Variants in GABPA observed in about 807,000 individuals in gnomAD.
GABPA encodes the protein GA-binding protein alpha chain.
GABPA carries 4 observed loss-of-function variants against 59.4 expected under a neutral mutation model. That is an observed-to-expected ratio of 0.07 (90% CI 0.03 to 0.15). The LOEUF (loss-of-function observed/expected upper bound fraction) is 0.15, where lower values mean the gene tolerates loss of function less well. GABPA is among the 10% of genes least tolerant of loss of function. GABPA has a pLI of 1.00. For synonymous variants in GABPA, 164 were observed against 183.1 expected (o/e 0.90, Z 0.84); for missense variants, 251 against 543.8 (o/e 0.46, Z 5.36).
At chr21:25,766,787 A>C (rs185012465) in intron 9 of GABPA, among the ~76,000 whole-genome samples, 1 of 152,118 alleles carries the variant, frequency 6.6e-6, no homozygotes, top group East Asian at 1.9e-4. Context: ...CAACTGTTTC[A>C]TACACATCAA....
rs911350079 is a variant in GABPA, at chr21:25,770,175, A to G, written c.*943A>G. 2 of 152,542 alleles carry G rather than the reference A, an allele frequency of 1.3e-5. No homozygotes were observed. The highest frequency in any genetic ancestry group is 6.5e-5 in the Admixed American group (1 of 15,274). 9.4% of individuals were successfully genotyped at this position (152,542 alleles called of 1,614,324 possible). Reference sequence around the variant, plus strand: ...AAATGAAGACTTTAAATCAGTCAGTAGTACTTTACCTTTCAAGGCATTAGT... The same window carrying G: ...AAATGAAGACTTTAAATCAGTCAGTGGTACTTTACCTTTCAAGGCATTAGT... On this transcript the variant is annotated 3_prime_UTR_variant, in exon 10 of 10. Transcript: ENST00000400075.
At chr21:25,760,383 G>A (rs58428137) in intron 6 of GABPA, among the ~76,000 whole-genome samples, 3,718 of 152,260 alleles carry the variant, frequency 0.024, 150 homozygotes, top group African/African-American at 0.085. Context: ...TTCTGGGACA[G>A]AACTGTTAAT....
intron 4 of GABPA, among the ~76,000 whole-genome samples, chr21:25,751,559 G>C (rs2035513791): frequency 6.6e-6 from 1 of 151,738 alleles, no homozygotes. Context: ...AAGAAAAACT[G>C]AGTCAGTAAA....
intron 2 of GABPA, among the ~76,000 whole-genome samples, chr21:25,742,246 A>G (rs903097532): frequency 3.0e-5 from 1 of 33,596 alleles, no homozygotes; most frequent in Admixed American, 4.1e-4. Context: ...AGGAGAGAAC[A>G]TGGGTAGAAA....
At chr21:25,752,288 A>G in intron 5 of GABPA, 54 bp downstream of exon 5, 1 of 1,547,580 alleles carries the variant, frequency 6.5e-7, no homozygotes, top group Non-Finnish European at 8.9e-7. Context: ...TAAGCTTGAC[A>G]TAGAAGACAC....
chr21:25,742,955 A>C (rs770271428), intron 2 of GABPA, among the ~76,000 whole-genome samples: 1 of 151,562 alleles, frequency 6.6e-6, no homozygotes, highest in Non-Finnish European at 1.5e-5. Context: ...AAAGCCCAAC[A>C]TTTTTTATTG....
In GABPA at chr21:25,770,332, T is replaced by C. The variant is rs1285834275; in HGVS notation, c.*1100T>C. 2 of 152,132 alleles carry C rather than the reference T, an allele frequency of 1.3e-5. No homozygotes were observed. Among genetic ancestry groups the C allele is most frequent in the Admixed American group, 6.5e-5 (1 of 15,272 alleles). 9.4% of individuals were successfully genotyped at this position (152,132 alleles called of 1,614,324 possible). A position where few individuals can be genotyped will look rare whatever the true frequency, so the allele number is the denominator to read the frequency against. On this transcript the variant is annotated 3_prime_UTR_variant, in exon 10 of 10. Transcript: ENST00000400075. Reference sequence around the variant, plus strand: ...GTGTATTCATATAGCTGTATACATATTCAGTTGATCATTTTATAAACATAT... The same window carrying C: ...GTGTATTCATATAGCTGTATACATACTCAGTTGATCATTTTATAAACATAT...
intron 6 of GABPA, among the ~76,000 whole-genome samples, chr21:25,760,341 G>A: frequency 6.6e-6 from 1 of 152,202 alleles, no homozygotes; most frequent in East Asian, 1.9e-4. Flanking sequence ...TCTGTAGAGA[G>A]AAGTCTGCAG....
At chr21:25,762,932 A>G in intron 7 of GABPA, 1 of 334,998 alleles carries the variant, frequency 3.0e-6, no homozygotes, top group Non-Finnish European at 5.8e-6. Context: ...CCAAGGCTTG[A>G]AGAGTCTACC....
At chr21:25,736,320 G>A (rs867989259) in intron 1 of GABPA, among the ~76,000 whole-genome samples, 1 of 152,182 alleles carries the variant, frequency 6.6e-6, no homozygotes. Flanking sequence ...CAGTAGGTCT[G>A]ACTCGTGAGA....
Position 25,735,885 on chromosome 21 carries a change from C to G in GABPA, c.-27+307C>G, listed in dbSNP as rs2035037437. 1.3e-5 allele frequency among the ~76,000 whole-genome samples: 2 copies of G among 152,292 alleles called. 1 individual carries two copies. Among genetic ancestry groups the G allele is most frequent in the African/African-American group, 4.8e-5 (2 of 41,570 alleles). On this transcript the variant is annotated intron_variant, in intron 1 of 9. Coordinates refer to ENST00000400075, the MANE Select transcript of GABPA (RefSeq NM_002040.4). Reference sequence around the variant, plus strand: ...TCGCCGCTCCCTCCTTTCCGCGTCCCCTCCTCGCCCGTCCGCACTCCTCAG... The same window carrying G: ...TCGCCGCTCCCTCCTTTCCGCGTCCGCTCCTCGCCCGTCCGCACTCCTCAG...
intron 9 of GABPA, among the ~76,000 whole-genome samples, chr21:25,765,402 G>A (rs1487326155): frequency 6.6e-6 from 1 of 151,830 alleles, no homozygotes; most frequent in Non-Finnish European, 1.5e-5. Context: ...TTTCTAAATA[G>A]CATGCTTTTA....
chr21:25,754,138 A>G (rs915645499), intron 5 of GABPA, among the ~76,000 whole-genome samples: 1 of 152,228 alleles, frequency 6.6e-6, no homozygotes, highest in Non-Finnish European at 1.5e-5. Flanking sequence ...TAAAAGAAAA[A>G]GTATAAAATC....
In GABPA at chr21:25,758,080, C is replaced by T. The variant is rs111301212; in HGVS notation, c.624C>T (p.Thr208=). The T allele has an allele frequency of 4.3e-5, 69 of 1,605,626 alleles. No individual in the cohort carries two copies. Among genetic ancestry groups the T allele is most frequent in the African/African-American group, 2.7e-4 (20 of 74,542 alleles). ...GGGTAATGAAGGAATTCAGCATGAC[C>T]GATATAGACCTCACCACACTCAACA... The part of the protein sequence containing the change: ...VVWVMKEFSM[T]DIDLTTLNIS... Residue 208 remains threonine (T), a synonymous_variant, in exon 6 of 10, where the codon ACC becomes ACT. Coordinates refer to ENST00000400075, the MANE Select transcript of GABPA (RefSeq NM_002040.4).
intron 3 of GABPA, among the ~76,000 whole-genome samples, chr21:25,748,576 TGAG>T (rs1266492224): frequency 6.6e-6 from 1 of 152,214 alleles, no homozygotes; most frequent in Admixed American, 6.5e-5. Context: ...AACTTTATGA[TGAG>T]AGATTTAGAG....
In GABPA at chr21:25,769,492, C is replaced by G. The variant is rs1007181083; in HGVS notation, c.*260C>G. 19 of 380,414 alleles carry G rather than the reference C, an allele frequency of 5.0e-5. No homozygotes were observed. Among genetic ancestry groups the G allele is most frequent in the Middle Eastern group, 7.8e-4 (1 of 1,282 alleles). The allele number at this position is 380,414 out of a possible 1,614,324, so 23.6% of individuals were successfully genotyped here. ...GTTCATTGTGGAATAGTTTAACAGT[C>G]AGGAAGGCTAAACTGGTCAGTATTA... is the stretch of plus-strand genomic sequence containing the variant. On this transcript the variant is annotated 3_prime_UTR_variant, in exon 10 of 10. Transcript: ENST00000400075.
chr21:25,763,176 G>T, intron 7 of GABPA: 2 of 514,526 alleles, frequency 3.9e-6, no homozygotes, highest in East Asian at 5.0e-5. Context: ...GTTTGGGTTT[G>T]GGTACCACCA....
intron 2 of GABPA, among the ~76,000 whole-genome samples, chr21:25,743,304 T>C (rs1284396020): frequency 6.6e-6 from 1 of 152,152 alleles, no homozygotes; most frequent in Non-Finnish European, 1.5e-5. Context: ...GGTCACACAG[T>C]CCAACCCTAG....
rs545182179 is a variant in GABPA at position 25,771,120 on chromosome 21, T to A, written c.*1888T>A. ...TAGAGAGTTGACAAGTTGCTTGTAG[T>A]TTTAAAAAAATAATAAAGTATACCC... On this transcript the variant is annotated 3_prime_UTR_variant, in exon 10 of 10. Coordinates refer to ENST00000400075, the MANE Select transcript of GABPA (RefSeq NM_002040.4). 6.6e-6 allele frequency: 1 copy of A among 152,088 alleles called. No homozygotes were observed. The highest frequency in any genetic ancestry group is 2.1e-4 in the South Asian group (1 of 4,826). The allele number at this position is 152,088 out of a possible 1,614,324, so 9.4% of individuals were successfully genotyped here. A position where few individuals can be genotyped will look rare whatever the true frequency, so the allele number is the denominator to read the frequency against.
Sources: allele counts gnomAD v4.1 joint callset (sites outside exome capture counted in the v4.1 genomes callset), GRCh38; gene constraint gnomAD v4.1.1; transcripts MANE v1.5; gene names NCBI Gene and HGNC (gene_info 2026-07-23, HGNC 2026-07-21).